Variants in GRM8 observed in about 807,000 individuals in gnomAD.
GRM8 encodes metabotropic glutamate receptor 8.
GRM8 carries 47 observed loss-of-function variants against 87.2 expected under a neutral mutation model. That is an observed-to-expected ratio of 0.54 (90% confidence interval 0.43 to 0.69). The LOEUF (loss-of-function observed/expected upper bound fraction) is 0.69, where lower values mean the gene tolerates loss of function less well. Among genes scored for constraint, GRM8 ranks in the 30% least tolerant of loss-of-function variants. The pLI, the probability that GRM8 is intolerant of heterozygous loss-of-function variation, is 0.00. For missense variants in GRM8, 1,019 were observed against 1,139.2 expected, an observed-to-expected ratio of 0.89 and a Z score of 1.52; for synonymous variants, 396 against 404.5, an observed-to-expected ratio of 0.98 and a Z score of 0.25.
chr7:126,669,156 C>T (rs886228992), intron 7 of GRM8, among the ~76,000 whole-genome samples: 2 of 152,088 alleles, frequency 1.3e-5, no homozygotes, highest in South Asian at 2.1e-4. Flanking sequence ...ATCACACACC[C>T]GGGCCTGTTG....
At chr7:126,743,286 G>A (rs966079455) in intron 7 of GRM8, among the ~76,000 whole-genome samples, 4 of 152,090 alleles carry the variant, frequency 2.6e-5, no homozygotes, top group Admixed American at 6.6e-5. Flanking sequence ...ATAGCTTAAT[G>A]TGCTATAATG....
chr7:127,150,310 G>A (rs1284077824), intron 2 of GRM8, among the ~76,000 whole-genome samples: 1 of 151,998 alleles, frequency 6.6e-6, no homozygotes, highest in East Asian at 1.9e-4. Context: ...GCAATGGCAG[G>A]GACTTCAAAA....
chr7:127,123,902 G>C (rs566087247), intron 2 of GRM8, among the ~76,000 whole-genome samples: 1 of 150,652 alleles, frequency 6.6e-6, no homozygotes, highest in Non-Finnish European at 1.5e-5. Context: ...CTTTCCTTTC[G>C]TTACAAGAAA....
intron 7 of GRM8, among the ~76,000 whole-genome samples, chr7:126,766,743 C>A (rs1200517956): frequency 6.6e-6 from 1 of 152,134 alleles, no homozygotes; most frequent in African/African-American, 2.4e-5. Flanking sequence ...TGGTCCTGAG[C>A]AAACCTTGTT....
At position 126,580,452 on chromosome 7, in the gene GRM8, C is replaced by A. The variant is rs1054183856; in HGVS notation, c.1494+28910G>T. On this transcript the variant is annotated intron_variant, in intron 8 of 10. Transcript: ENST00000339582. ...AATGTGATCTTCTTCTTAAGGCTTT[C>A]TTCTTTTTCCTAAAATCTCTTTCTT... 4.6e-5 allele frequency among the ~76,000 whole-genome samples: 7 copies of A among 152,196 alleles called. No homozygotes were observed. In the East Asian group the frequency reaches 1.4e-3, roughly 29 times the overall value.
chr7:127,039,188 C>T (rs1360351716), intron 3 of GRM8, among the ~76,000 whole-genome samples: 6 of 152,280 alleles, frequency 3.9e-5, no homozygotes, highest in Middle Eastern at 3.4e-3. Context: ...CCTCCAGTAG[C>T]TCAGAATGTG....
intron 3 of GRM8, among the ~76,000 whole-genome samples, chr7:126,966,019 T>C (rs1809814392): frequency 6.6e-6 from 1 of 152,100 alleles, no homozygotes; most frequent in Admixed American, 6.6e-5. Context: ...TCAAATTATA[T>C]AAAAACAGAA....
At chr7:127,185,557 G>C (rs1346250840) in intron 2 of GRM8, among the ~76,000 whole-genome samples, 1 of 152,092 alleles carries the variant, frequency 6.6e-6, no homozygotes, top group Non-Finnish European at 1.5e-5. Flanking sequence ...CCTTGAGTTT[G>C]ACAACGAATT....
intron 7 of GRM8, among the ~76,000 whole-genome samples, chr7:126,649,938 C>A (rs554287629): frequency 6.6e-6 from 1 of 152,300 alleles, no homozygotes; most frequent in Admixed American, 6.5e-5. Flanking sequence ...CTTTGGCAGG[C>A]TCCCACAGGT....
At chr7:126,797,487 T>C (rs948317619) in intron 6 of GRM8, among the ~76,000 whole-genome samples, 4 of 152,102 alleles carry the variant, frequency 2.6e-5, no homozygotes, top group Non-Finnish European at 5.9e-5. Flanking sequence ...ATTTTGGATT[T>C]CTCTAAATAC....
intron 2 of GRM8, among the ~76,000 whole-genome samples, chr7:127,183,833 TGAAA>T (rs1477278628): frequency 6.6e-6 from 1 of 151,508 alleles, no homozygotes; most frequent in Non-Finnish European, 1.5e-5. Context: ...ATATCAGAAA[TGAAA>T]GAAAGATCAT....
At chr7:127,029,254 A>C (rs950983920) in intron 3 of GRM8, among the ~76,000 whole-genome samples, 4 of 152,092 alleles carry the variant, frequency 2.6e-5, no homozygotes, top group Non-Finnish European at 5.9e-5. Context: ...TTTTACTTCC[A>C]ATTATGTGGT....
chr7:127,021,742 A>G (rs183721122), intron 3 of GRM8, among the ~76,000 whole-genome samples: 22 of 152,240 alleles, frequency 1.4e-4, no homozygotes, highest in African/African-American at 5.1e-4. Context: ...ACATTTTTAG[A>G]AAAAAGATTT....
rs138779891 is a variant in GRM8, at chr7:126,989,833, G to A, written c.728-85150C>T. Among the ~76,000 whole-genome samples, 135 of 152,064 alleles carry A rather than the reference G, an allele frequency of 8.9e-4. No homozygotes were observed. The East Asian group carries it at 0.015, about 17-fold the overall frequency. On this transcript the variant is annotated intron_variant, in intron 3 of 10. Transcript: ENST00000339582. ...AATAAATAGCCAGGCATGGTGGTGC[G>A]TGCCTGTGGTCCCAGCTACTCCAGA...
At chr7:126,488,788 T>G (rs1228492904) in intron 9 of GRM8, among the ~76,000 whole-genome samples, 1 of 151,992 alleles carries the variant, frequency 6.6e-6, no homozygotes, top group Non-Finnish European at 1.5e-5. Flanking sequence ...CTTCTGACTT[T>G]GCTATAGTAT....
chr7:127,118,410 G>A (rs1170292470), intron 2 of GRM8: 2 of 152,188 alleles, frequency 1.3e-5, no homozygotes, highest in East Asian at 3.8e-4. Context: ...AATACATTAA[G>A]TTTCCCCTAA....
At chr7:127,019,661 A>G (rs1341334617) in intron 3 of GRM8, among the ~76,000 whole-genome samples, 2 of 151,984 alleles carry the variant, frequency 1.3e-5, no homozygotes, top group African/African-American at 2.4e-5. Context: ...ACACGGGCAC[A>G]CTCTATAACA....
chr7:126,567,210 A>G (rs1213224061), intron 8 of GRM8, among the ~76,000 whole-genome samples: 1 of 152,148 alleles, frequency 6.6e-6, no homozygotes, highest in Non-Finnish European at 1.5e-5. Flanking sequence ...TTGTGCACTT[A>G]AAAATTTGTT....
chr7:126,505,982 G>A (rs1286551877), intron 9 of GRM8, among the ~76,000 whole-genome samples: 2 of 151,864 alleles, frequency 1.3e-5, no homozygotes, highest in African/African-American at 4.8e-5. Context: ...CTTTTGCCCT[G>A]TCTCCCCATT....
Sources: allele counts gnomAD v4.1 joint callset (sites outside exome capture counted in the v4.1 genomes callset), GRCh38; gene constraint gnomAD v4.1.1; transcripts MANE v1.5; gene names NCBI Gene and HGNC (gene_info 2026-07-23, HGNC 2026-07-21).